NPSR1: variants seen among roughly 807,000 people sequenced by gnomAD.
NPSR1 encodes the protein neuropeptide S receptor 1.
NPSR1 carries 48 observed loss-of-function variants against 46.9 expected under a neutral mutation model. That is an observed-to-expected ratio of 1.02 (90% CI 0.81 to 1.30). The LOEUF (loss-of-function observed/expected upper bound fraction) is 1.30. Ranked by LOEUF, NPSR1 falls within the 50% of genes most tolerant of loss-of-function variation. The pLI is 0.00. For missense variants in NPSR1, 450 were observed against 449.5 expected, an observed-to-expected ratio of 1.00 and a Z score of -0.01; for synonymous variants, 176 against 168.1, an observed-to-expected ratio of 1.05 and a Z score of -0.36.
At chr7:34,682,202 T>C (rs772819158) in intron 1 of NPSR1, among the ~76,000 whole-genome samples, 10 of 152,204 alleles carry the variant, frequency 6.6e-5, no homozygotes, top group Non-Finnish European at 1.5e-4. Flanking sequence ...AGAGAACTAC[T>C]GAAGAGCTTG....
At chr7:34,834,329 C>A in intron 5 of NPSR1, 55 bp from the exon 6 acceptor site, 1 of 1,364,520 alleles carries the variant, frequency 7.3e-7, no homozygotes, top group Non-Finnish European at 1.0e-6. Flanking sequence ...TTCTCTGTGT[C>A]CTCACAGTAG....
intron 2 of NPSR1, among the ~76,000 whole-genome samples, chr7:34,768,606 T>A (rs1040310260): frequency 6.6e-6 from 1 of 152,174 alleles, no homozygotes; most frequent in African/African-American, 2.4e-5. Context: ...TATGAGGAAT[T>A]TGAATGTCTA....
intron 1 of NPSR1, among the ~76,000 whole-genome samples, chr7:34,674,486 T>C (rs1255104446): frequency 1.3e-5 from 2 of 152,182 alleles, no homozygotes; most frequent in East Asian, 3.9e-4. Context: ...CAGAGCCTGG[T>C]GCTGTGAATG....
chr7:34,729,711 A>G (rs1784332378), intron 2 of NPSR1, among the ~76,000 whole-genome samples: 1 of 152,266 alleles, frequency 6.6e-6, no homozygotes, highest in East Asian at 1.9e-4. Flanking sequence ...AGAAAATACA[A>G]TCTTAAAAAA....
chr7:34,838,155 C>G (rs1217840915), intron 6 of NPSR1, among the ~76,000 whole-genome samples: 1 of 152,136 alleles, frequency 6.6e-6, no homozygotes, highest in African/African-American at 2.4e-5. Context: ...AGGCTGACTT[C>G]CTGGCTCTCT....
chr7:34,707,385 A>G (rs963769870), intron 2 of NPSR1, among the ~76,000 whole-genome samples: 1 of 152,172 alleles, frequency 6.6e-6, no homozygotes, highest in Non-Finnish European at 1.5e-5. Flanking sequence ...TAATAATAGA[A>G]ATAGCTGGCT....
chr7:34,758,107 T>C (rs1785963007), intron 2 of NPSR1: 1 of 152,630 alleles, frequency 6.6e-6, no homozygotes, highest in African/African-American at 2.4e-5. Flanking sequence ...ATCTGTAAAA[T>C]GGAGGTTGTA....
chr7:34,839,818 G>A (rs1021700408), intron 6 of NPSR1, among the ~76,000 whole-genome samples: 1 of 152,074 alleles, frequency 6.6e-6, no homozygotes, highest in Non-Finnish European at 1.5e-5. Flanking sequence ...AGAGAGAGTG[G>A]AGGACTGCTC....
chr7:34,794,535 T>C (rs1185326771), intron 3 of NPSR1, among the ~76,000 whole-genome samples: 2 of 152,136 alleles, frequency 1.3e-5, no homozygotes, highest in Non-Finnish European at 2.9e-5. Context: ...ATTAAAGGAA[T>C]TAATTATTGA....
intron 4 of NPSR1, among the ~76,000 whole-genome samples, chr7:34,815,699 C>A (rs1400599221): frequency 2.0e-5 from 3 of 152,186 alleles, no homozygotes; most frequent in Non-Finnish European, 4.4e-5. Context: ...GGAAGCCCAT[C>A]AGACTAACAG....
At chr7:34,729,187 T>C (rs1038197733) in intron 2 of NPSR1, among the ~76,000 whole-genome samples, 5 of 152,124 alleles carry the variant, frequency 3.3e-5, no homozygotes, top group African/African-American at 1.2e-4. Flanking sequence ...GCAGTGCTAG[T>C]GATGCCTACA....
intron 4 of NPSR1, among the ~76,000 whole-genome samples, chr7:34,812,581 G>A (rs776354803): frequency 2.0e-5 from 3 of 152,150 alleles, no homozygotes; most frequent in Non-Finnish European, 2.9e-5. Flanking sequence ...AAGTTTCCCT[G>A]GATTTGAAGA....
intron 6 of NPSR1, among the ~76,000 whole-genome samples, chr7:34,839,600 A>C (rs941984525): frequency 6.6e-6 from 1 of 152,242 alleles, no homozygotes; most frequent in African/African-American, 2.4e-5. Flanking sequence ...AAACACTAGC[A>C]GCTGTGTAAA....
At chr7:34,855,520 C>T (rs952993701) in intron 8 of NPSR1, among the ~76,000 whole-genome samples, 4 of 151,836 alleles carry the variant, frequency 2.6e-5, no homozygotes, top group African/African-American at 9.7e-5. Context: ...ATATAATTGA[C>T]CCAAGAAGAA....
intron 5 of NPSR1, 36 bp downstream of exon 5, chr7:34,827,638 T>TGGGGGGGGGGGGGG: frequency 1.7e-5 from 3 of 179,990 alleles, no homozygotes; most frequent in East Asian, 2.7e-4. Flanking sequence ...CACGGGGGGG[T>TGGGGGGGGGGGGGG]GGGGCGGGGG....
chr7:34,675,843 G>A (rs965045362), intron 1 of NPSR1, among the ~76,000 whole-genome samples: 14 of 152,256 alleles, frequency 9.2e-5, no homozygotes, highest in Admixed American at 6.5e-5. Context: ...CCATGTAATT[G>A]AGCTGAGAAC....
chr7:34,702,250 G>T (rs1793866465), intron 2 of NPSR1, among the ~76,000 whole-genome samples: 1 of 152,162 alleles, frequency 6.6e-6, no homozygotes, highest in African/African-American at 2.4e-5. Flanking sequence ...TCAGCTCTTT[G>T]TCCTCCTCTT....
intron 1 of NPSR1, among the ~76,000 whole-genome samples, chr7:34,659,050 A>C (rs898057990): frequency 1.3e-5 from 2 of 152,202 alleles, no homozygotes; most frequent in African/African-American, 4.8e-5. Flanking sequence ...TTCATTAAAC[A>C]TCAGTGAGGA....
At chr7:34,726,467 T>TAA (rs1784156481) in intron 2 of NPSR1, among the ~76,000 whole-genome samples, 1 of 152,176 alleles carries the variant, frequency 6.6e-6, no homozygotes. Context: ...CTCACAAAAT[T>TAA]AAATATACTC....
Sources: allele counts gnomAD v4.1 joint callset (sites outside exome capture counted in the v4.1 genomes callset), GRCh38; gene constraint gnomAD v4.1.1; transcripts MANE v1.5; gene names NCBI Gene and HGNC (gene_info 2026-07-23, HGNC 2026-07-21).